Variants in CELF2 observed in about 807,000 individuals in gnomAD.
CELF2 encodes CUG triplet repeat RNA-binding protein 2.
A neutral mutation model predicts 62.6 loss-of-function variants in CELF2; 8 were observed. The observed-to-expected ratio is 0.13, with a 90% CI of 0.07 to 0.23. CELF2 has a LOEUF of 0.23. Among genes scored for constraint, CELF2 ranks in the 10% least tolerant of loss-of-function variants. CELF2 has a pLI of 1.00. For missense variants in CELF2, 333 were observed against 671.0 expected, an observed-to-expected ratio of 0.50 and a Z score of 5.56; for synonymous variants, 258 against 250.0, an observed-to-expected ratio of 1.03 and a Z score of -0.30.
Position 11,319,189 on chromosome 10 carries a change from A to G in CELF2, c.1097-2000A>G, listed in dbSNP as rs1355788872. ...TGTGCCCAGAGTGCGATCATCTGTA[A>G]TCCACAGCACCCGTTAACAGCCTGG... On this transcript the variant is annotated intron_variant, in intron 10 of 12. Transcript: ENST00000633077. The surrounding 1 kb of genome is among the most constrained non-coding windows in gnomAD (Gnocchi z 4.4). 2.2e-6 allele frequency: 1 copy of G among 446,320 alleles called. No homozygotes were observed. Among genetic ancestry groups the G allele is most frequent in the South Asian group, 1.7e-5 (1 of 60,258 alleles). 27.6% of individuals were successfully genotyped at this position (446,320 alleles called of 1,614,324 possible).
the CELF2 span, among the ~76,000 whole-genome samples, chr10:10,680,589 T>A: frequency 6.6e-6 from 1 of 152,212 alleles, no homozygotes; most frequent in Non-Finnish European, 1.5e-5. Flanking sequence ...CCCAGTTACA[T>A]AAACACGTTG....
At chr10:11,298,435 G>A (rs1219597415) in intron 9 of CELF2, among the ~76,000 whole-genome samples, 1 of 152,154 alleles carries the variant, frequency 6.6e-6, no homozygotes, top group Non-Finnish European at 1.5e-5. Flanking sequence ...AGGACAGAAG[G>A]GTACTTATAT....
chr10:11,280,261 G>C lies in CELF2; in HGVS notation c.841+5141G>C, dbSNP rs1210342633. 1.3e-5 allele frequency among the ~76,000 whole-genome samples: 2 copies of C among 152,102 alleles called. No individual in the cohort carries two copies. The highest frequency in any genetic ancestry group is 6.5e-5 in the Admixed American group (1 of 15,282). The stretch of plus-strand genomic sequence containing the variant: ...CTGTTAGTTCTGGGGAGGAATAAGG[G>C]GAGTTGCAGGAGAGGCCCCGCGCCC... On this transcript the variant is annotated intron_variant, in intron 8 of 12. Coordinates refer to ENST00000633077, the MANE Select transcript of CELF2 (RefSeq NM_001326342.2). This position sits in a 1 kb window ranked among gnomAD's most constrained non-coding sequence, Gnocchi z 7.6.
chr10:10,591,193 A>G, the CELF2 span, among the ~76,000 whole-genome samples: 1 of 152,218 alleles, frequency 6.6e-6, no homozygotes, highest in Non-Finnish European at 1.5e-5. Context: ...CATTAAAAGG[A>G]AAGAGAAGAT....
chr10:11,174,880 G>T (rs1012438420), intron 2 of CELF2, among the ~76,000 whole-genome samples: 1 of 152,106 alleles, frequency 6.6e-6, no homozygotes, highest in Non-Finnish European at 1.5e-5. Context: ...AAGAAATAAC[G>T]CAAACATCAG....
chr10:10,539,378 T>C, the CELF2 span, among the ~76,000 whole-genome samples: 4 of 152,190 alleles, frequency 2.6e-5, no homozygotes, highest in Admixed American at 6.5e-5. Flanking sequence ...TTTTGGGGAT[T>C]GGCCTTTTGC....
intron 8 of CELF2, among the ~76,000 whole-genome samples, chr10:11,284,038 G>C (rs62649459): frequency 2.5e-3 from 231 of 92,272 alleles, no homozygotes; most frequent in East Asian, 4.9e-3. Flanking sequence ...GGATGAGTGT[G>C]TGGTGAGTGG....
rs546809409 is a variant in CELF2 at position 11,321,568 on chromosome 10, C to T, written c.1294+182C>T. Among the ~76,000 whole-genome samples the T allele has an allele frequency of 7.3e-5, 11 of 151,682 alleles. No homozygotes were observed. In the East Asian group the frequency reaches 1.7e-3, roughly 24 times the overall value. On this transcript the variant is annotated intron_variant, in intron 11 of 12. Transcript: ENST00000633077. The surrounding 1 kb of genome is among the most constrained non-coding windows in gnomAD (Gnocchi z 6.2). ...GGGCATGGTGGCATACACCTGTAGTCGCAGTTACTTGGCAGGTTGAGATGG... is the reference window on the plus strand; with the variant it reads ...GGGCATGGTGGCATACACCTGTAGTTGCAGTTACTTGGCAGGTTGAGATGG...
chr10:11,141,688 G>T (rs1053446298), intron 1 of CELF2, among the ~76,000 whole-genome samples: 1 of 152,222 alleles, frequency 6.6e-6, no homozygotes, highest in Non-Finnish European at 1.5e-5. Context: ...ATCATTGCAT[G>T]TTTATTTAGT....
chr10:10,916,603 G>A (rs1253589877), intron 1 of CELF2, among the ~76,000 whole-genome samples: 1 of 152,078 alleles, frequency 6.6e-6, no homozygotes, highest in Non-Finnish European at 1.5e-5. Flanking sequence ...CCACCATTTG[G>A]AATTTCTTTT....
Position 11,297,652 on chromosome 10 carries a change from T to G in CELF2, c.976+9100T>G, listed in dbSNP as rs529365808. On this transcript the variant is annotated intron_variant, in intron 9 of 12. Coordinates refer to ENST00000633077, the MANE Select transcript of CELF2 (RefSeq NM_001326342.2). The surrounding 1 kb of genome is among the most constrained non-coding windows in gnomAD (Gnocchi z 4.4). Reference sequence around the variant, plus strand: ...AGAGGACACAATTCTATATGACATGTTCATGAAATGTGAATATTTTTAAAA... The same window carrying G: ...AGAGGACACAATTCTATATGACATGGTCATGAAATGTGAATATTTTTAAAA... Among the ~76,000 whole-genome samples the G allele has an allele frequency of 3.9e-5, 6 of 152,330 alleles. No homozygotes were observed. The highest frequency in any genetic ancestry group is 3.3e-4 in the Admixed American group (5 of 15,308).
intron 1 of CELF2, among the ~76,000 whole-genome samples, chr10:11,047,357 CTA>C (rs1007205715): frequency 2.0e-5 from 3 of 152,108 alleles, no homozygotes; most frequent in Admixed American, 6.5e-5. Context: ...GAAAGGGTCT[CTA>C]TGGCAAAAAG....
At chr10:10,614,281 T>G in the CELF2 span, among the ~76,000 whole-genome samples, 4 of 152,094 alleles carry the variant, frequency 2.6e-5, no homozygotes, top group Non-Finnish European at 4.4e-5. Context: ...ACCAATTAGA[T>G]GACTGCTAGC....
At chr10:10,601,828 C>G in the CELF2 span, among the ~76,000 whole-genome samples, 1 of 151,496 alleles carries the variant, frequency 6.6e-6, no homozygotes, top group Non-Finnish European at 1.5e-5. Flanking sequence ...CACCTATCAA[C>G]AAATCACCCA....
At chr10:10,668,878 A>C in the CELF2 span, among the ~76,000 whole-genome samples, 1 of 152,142 alleles carries the variant, frequency 6.6e-6, no homozygotes, top group African/African-American at 2.4e-5. Context: ...AAATTGCTTG[A>C]ATCCAGGAGA....
At chr10:10,908,984 T>G (rs1408212270) in intron 1 of CELF2, among the ~76,000 whole-genome samples, 1 of 152,154 alleles carries the variant, frequency 6.6e-6, no homozygotes, top group African/African-American at 2.4e-5. Context: ...AGACAGGGTT[T>G]TGCCATGTTG....
intron 1 of CELF2, among the ~76,000 whole-genome samples, chr10:10,881,454 A>G (rs987890998): frequency 2.0e-5 from 3 of 152,178 alleles, no homozygotes. Context: ...ACCAGCTGTT[A>G]GTAAAATATG....
At chr10:10,618,317 C>T in the CELF2 span, among the ~76,000 whole-genome samples, 58 of 152,216 alleles carry the variant, frequency 3.8e-4, no homozygotes, top group East Asian at 3.9e-4. Flanking sequence ...CTCTTCCCTA[C>T]TCTCCCTCTT....
At chr10:11,161,374 G>C (rs2065685680) in intron 1 of CELF2, among the ~76,000 whole-genome samples, 1 of 152,202 alleles carries the variant, frequency 6.6e-6, no homozygotes, top group Admixed American at 6.5e-5. Flanking sequence ...GCAGAGATGT[G>C]TGCGCATGTG....
Sources: gnomAD v4.1 joint callset for allele counts (sites outside exome capture counted in the v4.1 genomes callset) on GRCh38, gnomAD v4.1.1 for gene constraint, Gnocchi (gnomAD v3.1) non-coding constraint, MANE v1.5 for transcripts, NCBI Gene and HGNC (gene_info 2026-07-23, HGNC 2026-07-21) for gene names.